Variants in TECPR1 observed in about 807,000 individuals in gnomAD.
The protein encoded by TECPR1 is tectonin beta-propeller repeat-containing protein 1.
In TECPR1, 122 loss-of-function variants were observed where a neutral mutation model predicts 162.4. The ratio of observed to expected loss-of-function variants is 0.75; its 90% confidence interval spans 0.65 to 0.87. The LOEUF (loss-of-function observed/expected upper bound fraction) is 0.87, where lower values mean the gene tolerates loss of function less well. TECPR1 is among the 40% of genes least tolerant of loss of function. The probability of loss-of-function intolerance (pLI) is 0.00; values close to 1 mark genes in which losing one functional copy is unlikely to be tolerated. For synonymous variants in TECPR1, 642 were observed against 670.6 expected (o/e 0.96, Z 0.66); for missense variants, 1,432 against 1,618.2 (o/e 0.88, Z 1.97).
chr7:98,221,682 C>CCGA lies in TECPR1; in HGVS notation c.3133_3135dup (p.Ser1045dup), dbSNP rs1798145506. On this transcript the variant is annotated inframe_insertion, in exon 23 of 26. Transcript: ENST00000447648. The stretch of plus-strand genomic sequence containing the variant: ...TTGCCATTCTCATCCAGGGCATACA[C>CCGA]CGACGTCTGCCCCGCGGACACCTGC... 1 of 1,613,136 alleles carries CCGA rather than the reference C, an allele frequency of 6.2e-7. No homozygotes were observed. The highest frequency in any genetic ancestry group is 1.7e-5 in the Admixed American group (1 of 59,962).
intron 2 of TECPR1, among the ~76,000 whole-genome samples, chr7:98,249,816 G>A (rs1584364091): frequency 6.6e-6 from 1 of 151,982 alleles, no homozygotes. Context: ...GGCTTGGGAG[G>A]CTGAGGCAGG....
Position 98,218,016 on chromosome 7 carries a change from T to C in TECPR1, c.3184A>G (p.Thr1062Ala). 1.9e-6 allele frequency: 3 copies of C among 1,567,530 alleles called. No homozygotes were observed. The highest frequency in any genetic ancestry group is 2.6e-6 in the Non-Finnish European group (3 of 1,156,676). Residue 1062 changes from threonine (T) to alanine (A), a missense_variant, in exon 24 of 26, where the codon ACG becomes GCG. Physicochemically the swap from Thr to Ala is moderately conservative, Grantham distance 58. Transcript: ENST00000447648. ...CTGGAGCCCTGCGGGTAGCTGGGCGTGATCCCTTGGCGATACCACAGGTTT... is the reference window on the plus strand; with the variant it reads ...CTGGAGCCCTGCGGGTAGCTGGGCGCGATCCCTTGGCGATACCACAGGTTT... ...NGNLWYRQGI[T>A]PSYPQGSSWE...
intron 11 of TECPR1, 38 bp downstream of exon 11, chr7:98,233,383 G>A: frequency 7.1e-7 from 1 of 1,418,248 alleles, no homozygotes. Flanking sequence ...AGGGCACCTG[G>A]CCATGTGGAT....
intron 13 of TECPR1, 117 bp from the exon 14 acceptor site, chr7:98,231,490 AC>A: frequency 3.9e-6 from 4 of 1,024,894 alleles, no homozygotes; most frequent in East Asian, 2.9e-5. Context: ...CTCTCCTGGC[AC>A]CCCCAGCCCT....
rs998352033 is a variant in TECPR1, at chr7:98,217,073, G to A, written c.*317C>T. 4.6e-5 allele frequency: 13 copies of A among 281,440 alleles called. No homozygotes were observed. The highest frequency in any genetic ancestry group is 9.9e-4 in the Middle Eastern group (1 of 1,012). 17.4% of individuals were successfully genotyped at this position (281,440 alleles called of 1,614,324 possible). ...CGTTCCCGGAGGGCTCCAGGTTCCC[G>A]GTTCTAGTCCTGGAAAGGCAGAAGG... On this transcript the variant is annotated 3_prime_UTR_variant, in exon 26 of 26. Coordinates refer to ENST00000447648, the MANE Select transcript of TECPR1 (RefSeq NM_015395.3).
intron 2 of TECPR1, 141 bp from the exon 3 acceptor site, chr7:98,246,306 AC>A: frequency 1.7e-6 from 1 of 588,450 alleles, no homozygotes; most frequent in Non-Finnish European, 2.9e-6. Flanking sequence ...TCACTCTGTC[AC>A]CCAGGCTGGA....
chr7:98,240,900 T>A lies in TECPR1; in HGVS notation c.884A>T (p.His295Leu). The change falls in exon 8 of 26, where the codon CAC becomes CTC. Residue 295 changes from histidine to leucine, a missense_variant. By Grantham distance (99) the His-to-Leu change is moderately conservative. Transcript: ENST00000447648. ...EPPGSENGVM[H>L]ISVGVSVVWA... Reference sequence around the variant, plus strand: ...GACCACGCTGACTCCCACCGAGATGTGCATGACCCCGTTTTCAGATCCAGG... The same window carrying A: ...GACCACGCTGACTCCCACCGAGATGAGCATGACCCCGTTTTCAGATCCAGG... 6.2e-7 allele frequency: 1 copy of A among 1,607,478 alleles called. No individual in the cohort carries two copies. Among genetic ancestry groups the A allele is most frequent in the Non-Finnish European group, 8.5e-7 (1 of 1,178,456 alleles).
At chr7:98,231,729 T>G in intron 13 of TECPR1, 75 bp downstream of exon 13, 7 of 1,335,084 alleles carry the variant, frequency 5.2e-6, no homozygotes, top group Non-Finnish European at 7.0e-6. Flanking sequence ...GGCACCCCCA[T>G]TTCTGTACCC....
At chr7:98,235,849 A>AAACAAAAAAAAACAAC (rs1554401446) in intron 10 of TECPR1, among the ~76,000 whole-genome samples, 2 of 110,254 alleles carry the variant, frequency 1.8e-5, no homozygotes, top group Admixed American at 9.8e-5. Context: ...AAAAAAAAAA[A>AAACAAAAAAAAACAAC]AACACCATCT....
At chr7:98,222,201 A>G (rs1219911899) in intron 22 of TECPR1, among the ~76,000 whole-genome samples, 185 bp downstream of exon 22, 3 of 152,174 alleles carry the variant, frequency 2.0e-5, no homozygotes, top group African/African-American at 7.2e-5. Context: ...AGGGCCAGGC[A>G]GGCCTGGCTC....
Position 98,236,925 on chromosome 7 carries a change from G to A in TECPR1, c.1036-4C>T. On this transcript the variant is annotated splice_region_variant and splice_polypyrimidine_tract_variant and intron_variant, in intron 9 of 25. Coordinates refer to ENST00000447648, the MANE Select transcript of TECPR1 (RefSeq NM_015395.3). ...CCTCACAGCCAATGCCCCACACCTG[G>A]AAGAGAGAGGCTGTGTTCCGAGGAA... 1.9e-6 allele frequency: 3 copies of A among 1,546,348 alleles called. No individual in the cohort carries two copies. The South Asian group carries it at 3.7e-5, about 19-fold the overall frequency.
chr7:98,246,875 G>A (rs923687014), intron 2 of TECPR1, among the ~76,000 whole-genome samples: 1 of 151,902 alleles, frequency 6.6e-6, no homozygotes, highest in African/African-American at 2.4e-5. Flanking sequence ...GAGCCACCAC[G>A]CCCGGTCTCT....
intron 2 of TECPR1, 105 bp from the exon 3 acceptor site, chr7:98,246,270 CTTTTT>C: frequency 7.1e-6 from 4 of 564,516 alleles, no homozygotes; most frequent in East Asian, 3.3e-5. Flanking sequence ...TTCTTTTTCT[CTTTTT>C]TTTTTTTTTT....
chr7:98,218,127 C>A (rs1798061751), intron 23 of TECPR1, 85 bp from the exon 24 acceptor site: 1 of 1,101,248 alleles, frequency 9.1e-7, no homozygotes, highest in African/African-American at 1.6e-5. Flanking sequence ...TGGCCAGGCC[C>A]CGCTCTAACC....
chr7:98,241,538 G>A lies in TECPR1; in HGVS notation c.658-294C>T, dbSNP rs938862019. Among the ~76,000 whole-genome samples, 5 of 152,132 alleles carry A rather than the reference G, an allele frequency of 3.3e-5. No individual in the cohort carries two copies. Among genetic ancestry groups the A allele is most frequent in the African/African-American group, 4.8e-5 (2 of 41,428 alleles). ...GGTCTCCGGCCACTCTGGCCAGCCC[G>A]TGTGTCCCATGCCCCCTTGTGGCGA... On this transcript the variant is annotated intron_variant, in intron 6 of 25. Coordinates refer to ENST00000447648, the MANE Select transcript of TECPR1 (RefSeq NM_015395.3). The surrounding 1 kb of genome is among the most constrained non-coding windows in gnomAD (Gnocchi z 5.0).
At chr7:98,230,810 T>C in intron 15 of TECPR1, 151 bp downstream of exon 15, 1 of 1,087,342 alleles carries the variant, frequency 9.2e-7, no homozygotes, top group East Asian at 2.6e-5. Flanking sequence ...CCAGGGGGAC[T>C]TGGGGGCCTG....
Position 98,232,909 on chromosome 7 carries a change from C to T in TECPR1, c.1736G>A (p.Arg579Lys), listed in dbSNP as rs1798483487. 6.2e-7 allele frequency: 1 copy of T among 1,612,796 alleles called. No individual in the cohort carries two copies. Among genetic ancestry groups the T allele is most frequent in the Admixed American group, 1.7e-5 (1 of 59,978 alleles). The stretch of plus-strand genomic sequence containing the variant: ...CGTGAGCTGCTGGAAGATCTGCTTC[C>T]TCCAGGCAGCGGTCTGGGCCGGCGT... ...SITPAQTAAW[R>K]KQIFQQLTER... The change falls in exon 12 of 26, where the codon AGG becomes AAG. Residue 579 changes from arginine to lysine, a missense_variant. Arg to Lys is a conservative substitution (Grantham distance 26, BLOSUM62 2). Transcript: ENST00000447648. The surrounding 1 kb of genome is among the most constrained non-coding windows in gnomAD (Gnocchi z 4.6).
chr7:98,221,828 TC>T, intron 22 of TECPR1, 75 bp from the exon 23 acceptor site: 1 of 1,189,596 alleles, frequency 8.4e-7, no homozygotes, highest in Non-Finnish European at 1.2e-6. Flanking sequence ...TGGGCCTCGG[TC>T]CCCAGCTGCC....
At chr7:98,247,856 G>A (rs1798951884) in intron 2 of TECPR1, among the ~76,000 whole-genome samples, 1 of 152,120 alleles carries the variant, frequency 6.6e-6, no homozygotes, top group African/African-American at 2.4e-5. Context: ...CTGAGTGGCT[G>A]GGACTACAGG....
Sources: allele counts gnomAD v4.1 joint callset (sites outside exome capture counted in the v4.1 genomes callset), GRCh38; gene constraint gnomAD v4.1.1; non-coding constraint Gnocchi (gnomAD v3.1); transcripts MANE v1.5; gene names NCBI Gene and HGNC (gene_info 2026-07-23, HGNC 2026-07-21).